Variants in MYO1E observed in about 807,000 individuals in gnomAD.
The protein encoded by MYO1E is unconventional myosin-Ie.
Under a neutral mutation model 151.1 loss-of-function variants are expected in MYO1E, and 68 were observed. That is an observed-to-expected ratio of 0.45 (90% CI 0.37 to 0.55). The LOEUF (loss-of-function observed/expected upper bound fraction) is 0.55, where lower values mean the gene tolerates loss of function less well. MYO1E is among the 20% of genes least tolerant of loss of function. The pLI is 0.00. For synonymous variants in MYO1E, 601 were observed against 501.7 expected (o/e 1.20, Z -2.64); for missense variants, 1,363 against 1,389.3 (o/e 0.98, Z 0.30).
intron 1 of MYO1E, among the ~76,000 whole-genome samples, chr15:59,323,979 GGA>G (rs2080645818): frequency 6.6e-6 from 1 of 151,090 alleles, no homozygotes; most frequent in African/African-American, 2.4e-5. Flanking sequence ...ACCAAAGGCA[GGA>G]AAAAAAAAAA....
At chr15:59,176,259 G>A (rs1256404906) in intron 19 of MYO1E, among the ~76,000 whole-genome samples, 3 of 151,816 alleles carry the variant, frequency 2.0e-5, no homozygotes, top group African/African-American at 4.8e-5. Context: ...ATGGGGTTTC[G>A]CCGTGTTAGC....
intron 22 of MYO1E, among the ~76,000 whole-genome samples, chr15:59,168,058 C>G (rs1160710923): frequency 6.6e-6 from 1 of 152,140 alleles, no homozygotes; most frequent in Non-Finnish European, 1.5e-5. Context: ...TAATATCTCT[C>G]TGAGCTATTG....
chr15:59,319,232 AC>A (rs1265411408), intron 1 of MYO1E, among the ~76,000 whole-genome samples: 9 of 152,134 alleles, frequency 5.9e-5, no homozygotes, highest in African/African-American at 1.9e-4. Context: ...AACTGCTTGA[AC>A]CCAGAAGCCG....
At chr15:59,337,873 C>A (rs1270378627) in intron 1 of MYO1E, among the ~76,000 whole-genome samples, 2 of 152,128 alleles carry the variant, frequency 1.3e-5, no homozygotes, top group Non-Finnish European at 2.9e-5. Context: ...TCTTATAGGA[C>A]AAAGTAAAAT....
chr15:59,298,184 C>T (rs1236096263), intron 1 of MYO1E, among the ~76,000 whole-genome samples: 1 of 152,198 alleles, frequency 6.6e-6, no homozygotes, highest in African/African-American at 2.4e-5. Context: ...TCCTGTTCCT[C>T]ATCAAACCTT....
intron 1 of MYO1E, among the ~76,000 whole-genome samples, chr15:59,307,326 G>A (rs537435415): frequency 6.6e-6 from 1 of 152,334 alleles, no homozygotes; most frequent in East Asian, 1.9e-4. Flanking sequence ...TGGGCCCGGG[G>A]AGGATGAGGT....
chr15:59,349,245 G>A (rs1039183657), intron 1 of MYO1E, among the ~76,000 whole-genome samples: 1 of 151,940 alleles, frequency 6.6e-6, no homozygotes, highest in Non-Finnish European at 1.5e-5. Context: ...AAACATCTTA[G>A]GTATATATGC....
intron 1 of MYO1E, among the ~76,000 whole-genome samples, chr15:59,324,652 C>T (rs1484283): frequency 0.62 from 76,561 of 123,116 alleles, 24,238 homozygotes; most frequent in Non-Finnish European, 0.74. Context: ...CCGTATTTAT[C>T]CCCATCCCAA....
rs369357355 is a variant in MYO1E, at chr15:59,267,402, C to G, written c.147+4904G>C. ...TCGAGTGGACTTCCTTGGGTTCATC[C>G]CTGAGGTGGCACAGGGAGGTGAGTT... On this transcript the variant is annotated intron_variant, in intron 2 of 27. Transcript: ENST00000288235. Among the ~76,000 whole-genome samples the G allele has an allele frequency of 6.4e-4, 98 of 152,276 alleles. 5 individuals are homozygous for G. Among genetic ancestry groups the G allele is most frequent in the African/African-American group, 2.2e-3 (92 of 41,540 alleles).
chr15:59,201,766 C>A (rs1267740052), intron 16 of MYO1E, among the ~76,000 whole-genome samples: 1 of 152,184 alleles, frequency 6.6e-6, no homozygotes, highest in East Asian at 1.9e-4. Flanking sequence ...GGCTCAGGTA[C>A]CACAGAACCC....
At chr15:59,366,570 C>T (rs1479521683) in intron 1 of MYO1E, among the ~76,000 whole-genome samples, 1 of 152,166 alleles carries the variant, frequency 6.6e-6, no homozygotes, top group African/African-American at 2.4e-5. Context: ...GCAATGACGT[C>T]ATTCTCATGG....
intron 19 of MYO1E, among the ~76,000 whole-genome samples, chr15:59,175,947 A>C (rs2046556): frequency 0.98 from 149,144 of 152,166 alleles, 73,100 homozygotes; most frequent in Non-Finnish European, 1. Flanking sequence ...CCAAACCAAA[A>C]AACAACAACA....
chr15:59,268,754 G>A (rs190309118), intron 2 of MYO1E, among the ~76,000 whole-genome samples: 1 of 16,570 alleles, frequency 6.0e-5, no homozygotes, highest in East Asian at 2.4e-3. Flanking sequence ...TTCACTGCAT[G>A]GTATGAGCCA....
chr15:59,258,331 C>T (rs1182029980), intron 3 of MYO1E, among the ~76,000 whole-genome samples: 1 of 152,038 alleles, frequency 6.6e-6, no homozygotes, highest in Non-Finnish European at 1.5e-5. Flanking sequence ...TGGTGAAGAG[C>T]GAGACTCCGT....
At chr15:59,322,509 A>C (rs1474717350) in intron 1 of MYO1E, among the ~76,000 whole-genome samples, 1 of 152,242 alleles carries the variant, frequency 6.6e-6, no homozygotes, top group Non-Finnish European at 1.5e-5. Context: ...TTTTGTGGTT[A>C]AACAATCCAG....
chr15:59,183,179 T>C (rs2079674877), intron 18 of MYO1E, among the ~76,000 whole-genome samples: 1 of 151,954 alleles, frequency 6.6e-6, no homozygotes, highest in Admixed American at 6.6e-5. Context: ...AAAGAGTGCA[T>C]AGACTTCCTG....
At chr15:59,264,453 T>A (rs1386317131) in intron 2 of MYO1E, among the ~76,000 whole-genome samples, 1 of 152,200 alleles carries the variant, frequency 6.6e-6, no homozygotes, top group Admixed American at 6.5e-5. Flanking sequence ...CACAGAAAAC[T>A]AGTTAAATTG....
chr15:59,372,374 C>A (rs1407389525), intron 1 of MYO1E, 124 bp downstream of exon 1: 4 of 1,214,784 alleles, frequency 3.3e-6, no homozygotes, highest in East Asian at 2.6e-5. Flanking sequence ...CGCGACGTGC[C>A]GGCTCCCGCG....
intron 4 of MYO1E, 81 bp from the exon 5 acceptor site, chr15:59,236,753 C>T (rs1283219314): frequency 2.5e-6 from 3 of 1,207,374 alleles, no homozygotes; most frequent in South Asian, 2.5e-5. Context: ...TCACACAAAA[C>T]AAACAAACAA....
Sources: allele counts gnomAD v4.1 joint callset (sites outside exome capture counted in the v4.1 genomes callset), GRCh38; gene constraint gnomAD v4.1.1; transcripts MANE v1.5; gene names NCBI Gene and HGNC (gene_info 2026-07-23, HGNC 2026-07-21).